Variants in MRPS28 observed in about 807,000 individuals in gnomAD.
MRPS28 encodes mitochondrial ribosomal protein S28, also known as small ribosomal subunit protein bS1m.
A neutral mutation model predicts 10.8 loss-of-function variants in MRPS28; 7 were observed. The ratio of observed to expected loss-of-function variants is 0.65; its 90% CI spans 0.37 to 1.22. MRPS28 has a LOEUF of 1.22. Ranked by LOEUF, MRPS28 falls within the 50% of genes most tolerant of loss-of-function variation. MRPS28 has a pLI of 0.02. For synonymous variants in MRPS28, 121 were observed against 93.3 expected (o/e 1.30, Z -1.71); for missense variants, 265 against 232.9 (o/e 1.14, Z -0.90).
At chr8:79,932,001 T>C (rs2129898800) in intron 2 of MRPS28, among the ~76,000 whole-genome samples, 1 of 152,290 alleles carries the variant, frequency 6.6e-6, no homozygotes, top group East Asian at 1.9e-4. Context: ...GGGAAAAGAA[T>C]ATGAGTCTTG....
intron 2 of MRPS28, chr8:79,956,542 T>C (rs1223046982): frequency 6.6e-6 from 1 of 152,206 alleles, no homozygotes; most frequent in South Asian, 2.1e-4. Flanking sequence ...GGTAAACATA[T>C]GTCACCAAGG....
intron 2 of MRPS28, among the ~76,000 whole-genome samples, chr8:79,985,059 A>C (rs929527584): frequency 6.1e-4 from 93 of 152,216 alleles, no homozygotes; most frequent in African/African-American, 2.1e-3. Context: ...AAAGATCAGA[A>C]ATTATAACAA....
At chr8:80,006,201 C>A (rs527508202) in intron 1 of MRPS28, among the ~76,000 whole-genome samples, 68 of 152,306 alleles carry the variant, frequency 4.5e-4, no homozygotes, top group South Asian at 1.4e-3. Context: ...AGCACCACAT[C>A]ACACTTATTC....
chr8:79,972,854 G>A (rs1177799182), intron 2 of MRPS28, among the ~76,000 whole-genome samples: 1 of 152,056 alleles, frequency 6.6e-6, no homozygotes, highest in African/African-American at 2.4e-5. Flanking sequence ...TATCACACAA[G>A]GGCTATAGAT....
At position 79,978,290 on chromosome 8, in the gene MRPS28, A is replaced by T. The variant is rs139930189; in HGVS notation, c.395+24709T>A. 2.7e-4 allele frequency among the ~76,000 whole-genome samples: 41 copies of T among 152,280 alleles called. No homozygotes were observed. The East Asian group carries it at 6.2e-3, about 23-fold the overall frequency. On this transcript the variant is annotated intron_variant, in intron 2 of 2. Transcript: ENST00000276585. ...ATGTTTTTTAATTCTTTTACAAAAGATTATTGCAACAAAAAGATGTTAAAA... is the reference window on the plus strand; with the variant it reads ...ATGTTTTTTAATTCTTTTACAAAAGTTTATTGCAACAAAAAGATGTTAAAA...
intron 2 of MRPS28, among the ~76,000 whole-genome samples, chr8:79,949,359 A>G (rs927651542): frequency 6.6e-6 from 1 of 151,290 alleles, no homozygotes; most frequent in African/African-American, 2.4e-5. Flanking sequence ...GGTTGCAGTG[A>G]GCCGAGATTG....
chr8:80,014,562 G>A (rs1455482371), intron 1 of MRPS28, among the ~76,000 whole-genome samples: 1 of 152,204 alleles, frequency 6.6e-6, no homozygotes, highest in African/African-American at 2.4e-5. Flanking sequence ...GGACAGGTCT[G>A]TGCACTTAGA....
intron 2 of MRPS28, among the ~76,000 whole-genome samples, chr8:79,990,120 C>G (rs1345901125): frequency 6.6e-6 from 1 of 152,164 alleles, no homozygotes; most frequent in Admixed American, 6.5e-5. Context: ...GAGATTGCAC[C>G]ACTGCATTCC....
intron 1 of MRPS28, among the ~76,000 whole-genome samples, chr8:80,015,033 C>A (rs988621962): frequency 1.3e-5 from 2 of 152,252 alleles, no homozygotes; most frequent in East Asian, 3.9e-4. Flanking sequence ...GGTAGGGAAA[C>A]CCGAGCTGTA....
intron 2 of MRPS28, among the ~76,000 whole-genome samples, chr8:79,986,093 T>A (rs1328120279): frequency 1.3e-5 from 2 of 152,228 alleles, no homozygotes; most frequent in Non-Finnish European, 2.9e-5. Context: ...CAAGTAGGCT[T>A]CATTCCTGGG....
intron 1 of MRPS28, among the ~76,000 whole-genome samples, chr8:80,006,598 G>A (rs1032443244): frequency 1.2e-4 from 19 of 152,026 alleles, no homozygotes; most frequent in African/African-American, 3.9e-4. Context: ...TATCACCACC[G>A]ATCCCACAGA....
At chr8:79,960,570 T>G (rs1032828143) in intron 2 of MRPS28, among the ~76,000 whole-genome samples, 2 of 152,130 alleles carry the variant, frequency 1.3e-5, no homozygotes, top group Non-Finnish European at 2.9e-5. Context: ...ATGTACTTAC[T>G]GTAAAGAAAG....
chr8:80,026,969 G>GT (rs1563546668), intron 1 of MRPS28, among the ~76,000 whole-genome samples: 1 of 152,126 alleles, frequency 6.6e-6, no homozygotes, highest in South Asian at 2.1e-4. Flanking sequence ...TGAGAGTACA[G>GT]TACAGACATA....
chr8:79,988,124 G>A (rs1402916654), intron 2 of MRPS28, among the ~76,000 whole-genome samples: 2 of 151,872 alleles, frequency 1.3e-5, no homozygotes, highest in South Asian at 4.2e-4. Flanking sequence ...CCTTTGTAGG[G>A]ACATGGATGA....
intron 2 of MRPS28, among the ~76,000 whole-genome samples, chr8:79,946,291 C>T (rs1322631013): frequency 6.6e-6 from 1 of 152,150 alleles, no homozygotes; most frequent in African/African-American, 2.4e-5. Context: ...AATCATCCAT[C>T]TGATAATCAG....
At chr8:79,945,082 T>C (rs975046124) in intron 2 of MRPS28, among the ~76,000 whole-genome samples, 1 of 152,164 alleles carries the variant, frequency 6.6e-6, no homozygotes, top group Non-Finnish European at 1.5e-5. Context: ...CAAGTTAGAA[T>C]GATCTACATA....
At chr8:79,934,185 C>T (rs1444345775) in intron 2 of MRPS28, among the ~76,000 whole-genome samples, 3 of 152,074 alleles carry the variant, frequency 2.0e-5, no homozygotes, top group African/African-American at 7.2e-5. Context: ...GGTTTCAATT[C>T]CTCGTAACCA....
chr8:79,942,844 C>T (rs955332940), intron 2 of MRPS28, among the ~76,000 whole-genome samples: 1 of 151,922 alleles, frequency 6.6e-6, no homozygotes, highest in African/African-American at 2.4e-5. Context: ...TACATGTTGT[C>T]TACAGATAAA....
At chr8:79,958,030 T>C (rs1014264276) in intron 2 of MRPS28, 21 of 188,988 alleles carry the variant, frequency 1.1e-4, no homozygotes, top group Admixed American at 6.7e-4. Flanking sequence ...TCACATATCA[T>C]AAAATCTACC....
Sources: allele counts gnomAD v4.1 joint callset (sites outside exome capture counted in the v4.1 genomes callset), GRCh38; gene constraint gnomAD v4.1.1; transcripts MANE v1.5; gene names NCBI Gene and HGNC (gene_info 2026-07-23, HGNC 2026-07-21).